PRKN: variants seen among roughly 807,000 people sequenced by gnomAD.
PRKN encodes E3 ubiquitin-protein ligase parkin.
In PRKN, 56 loss-of-function variants were observed where a neutral mutation model predicts 59.5. The observed-to-expected ratio is 0.94, with a 90% CI of 0.76 to 1.18. PRKN has a LOEUF of 1.18. Ranked by LOEUF, PRKN falls within the 50% of genes most tolerant of loss-of-function variation. The pLI is 0.00. For synonymous variants in PRKN, 250 were observed against 222.1 expected (o/e 1.13, Z -1.12); for missense variants, 657 against 596.4 (o/e 1.10, Z -1.06).
intron 7 of PRKN, among the ~76,000 whole-genome samples, chr6:161,763,387 A>G (rs1158634194): frequency 6.6e-6 from 1 of 150,878 alleles, no homozygotes; most frequent in African/African-American, 2.4e-5. Context: ...GAAACAGGAG[A>G]CACCCCCATC....
intron 6 of PRKN, among the ~76,000 whole-genome samples, chr6:161,815,724 C>T (rs4997862): frequency 0.24 from 36,551 of 152,036 alleles, 4,703 homozygotes; most frequent in Non-Finnish European, 0.3. Flanking sequence ...AGGGAGACCC[C>T]AGCGGGAGCT....
Position 161,480,402 on chromosome 6 carries a change from C to T in PRKN, c.1083+68452G>A, listed in dbSNP as rs1273713081. On this transcript the variant is annotated intron_variant, in intron 9 of 11. Coordinates refer to ENST00000366898, the MANE Select transcript of PRKN (RefSeq NM_004562.3). The surrounding 1 kb of genome is among the most constrained non-coding windows in gnomAD (Gnocchi z 4.1). ...AGCTGGCCCTATTTTCCTATTCCAC[C>T]ATCACAACAATCCTGGAAAAGAATC... 6.6e-6 allele frequency among the ~76,000 whole-genome samples: 1 copy of T among 152,158 alleles called. No individual in the cohort carries two copies. The highest frequency in any genetic ancestry group is 1.5e-5 in the Non-Finnish European group (1 of 68,018).
At chr6:162,363,131 C>CAAAAAA (rs34722234) in intron 2 of PRKN, among the ~76,000 whole-genome samples, 4 of 98,386 alleles carry the variant, frequency 4.1e-5, no homozygotes, top group African/African-American at 7.4e-5. Context: ...CCTTCTCAAA[C>CAAAAAA]AAAAAAAAAA....
At chr6:161,364,385 G>C (rs1785106332) in intron 10 of PRKN, among the ~76,000 whole-genome samples, 1 of 147,096 alleles carries the variant, frequency 6.8e-6, no homozygotes, top group South Asian at 2.1e-4. Context: ...TTTGAACCGG[G>C]AGGCGGAGGT....
chr6:162,496,625 C>T (rs903944211), intron 1 of PRKN, among the ~76,000 whole-genome samples: 21 of 152,152 alleles, frequency 1.4e-4, no homozygotes, highest in African/African-American at 3.9e-4. Context: ...TATACACATG[C>T]GTGCAAATTC....
intron 1 of PRKN, among the ~76,000 whole-genome samples, chr6:162,577,937 A>G (rs544608431): frequency 8.5e-5 from 13 of 152,334 alleles, no homozygotes; most frequent in Admixed American, 8.5e-4. Flanking sequence ...TCAAAAACCT[A>G]TAATTAATTT....
At chr6:161,969,457 C>A (rs1225523400) in intron 6 of PRKN, among the ~76,000 whole-genome samples, 2 of 151,968 alleles carry the variant, frequency 1.3e-5, no homozygotes, top group East Asian at 3.9e-4. Context: ...CTCTCCTGAT[C>A]TGGGTAGTAC....
intron 1 of PRKN, among the ~76,000 whole-genome samples, chr6:162,493,030 C>A (rs1562328299): frequency 6.6e-6 from 1 of 151,870 alleles, no homozygotes; most frequent in Non-Finnish European, 1.5e-5. Context: ...CCCTCCCACA[C>A]CCAAGGGAGG....
chr6:162,437,286 T>C (rs544591828), intron 2 of PRKN, among the ~76,000 whole-genome samples: 2 of 148,414 alleles, frequency 1.3e-5, no homozygotes, highest in East Asian at 4.0e-4. Context: ...GAGAGACAAA[T>C]AGCAAGCTTA....
At chr6:162,225,197 G>T (rs1778115538) in intron 3 of PRKN, among the ~76,000 whole-genome samples, 2 of 152,200 alleles carry the variant, frequency 1.3e-5, no homozygotes, top group Admixed American at 1.3e-4. Context: ...ATAACAACCT[G>T]CTCTCATAGT....
intron 2 of PRKN, among the ~76,000 whole-genome samples, chr6:162,396,008 C>T (rs965216479): frequency 1.3e-5 from 2 of 152,148 alleles, no homozygotes; most frequent in East Asian, 3.9e-4. Context: ...ATGTTGGAGA[C>T]AGGAATATGT....
At chr6:161,572,145 G>A (rs892020390) in intron 7 of PRKN, among the ~76,000 whole-genome samples, 2 of 152,124 alleles carry the variant, frequency 1.3e-5, no homozygotes, top group African/African-American at 4.8e-5. Context: ...TAGACAGAAA[G>A]GTCCTGTTTC....
rs528892194 is a variant in PRKN, at chr6:162,360,054, G to A, written c.171+83256C>T. Among the ~76,000 whole-genome samples, 7 of 151,596 alleles carry A rather than the reference G, an allele frequency of 4.6e-5. No homozygotes were observed. In the South Asian group the frequency reaches 8.4e-4, roughly 18 times the overall value. On this transcript the variant is annotated intron_variant, in intron 2 of 11. Coordinates refer to ENST00000366898, the MANE Select transcript of PRKN (RefSeq NM_004562.3). ...TTTATGTTCTCACTTACTAAAATAC[G>A]GCAAAATATAATTTATATATACATA...
At chr6:162,720,197 A>G (rs141966134) in intron 1 of PRKN, among the ~76,000 whole-genome samples, 27 of 152,318 alleles carry the variant, frequency 1.8e-4, no homozygotes, top group African/African-American at 5.1e-4. Flanking sequence ...AGTCTCAATC[A>G]GGACACCAAT....
intron 7 of PRKN, among the ~76,000 whole-genome samples, chr6:161,782,285 C>T (rs148944280): frequency 0.011 from 1,706 of 152,064 alleles, 20 homozygotes; most frequent in Middle Eastern, 0.051. Flanking sequence ...ATAATAGGTA[C>T]TATAGAGTGA....
At chr6:162,449,538 G>GT (rs1790489575) in intron 1 of PRKN, among the ~76,000 whole-genome samples, 2 of 151,680 alleles carry the variant, frequency 1.3e-5, no homozygotes, top group South Asian at 2.1e-4. Context: ...TTTATAGCTC[G>GT]TTTTTTATTT....
At chr6:162,587,461 G>A (rs35395472) in intron 1 of PRKN, among the ~76,000 whole-genome samples, 15,553 of 152,090 alleles carry the variant, frequency 0.1, 937 homozygotes, top group Middle Eastern at 0.19. Context: ...TAAAACCTGG[G>A]GTTACAGTTG....
At chr6:162,207,464 C>T (rs567798253) in intron 3 of PRKN, among the ~76,000 whole-genome samples, 4 of 152,268 alleles carry the variant, frequency 2.6e-5, no homozygotes, top group African/African-American at 9.6e-5. Flanking sequence ...AGGTCAAACA[C>T]GGAGGCTTCA....
intron 2 of PRKN, among the ~76,000 whole-genome samples, chr6:162,288,969 T>G (rs1183743815): frequency 2.6e-5 from 4 of 152,212 alleles, no homozygotes; most frequent in Non-Finnish European, 5.9e-5. Flanking sequence ...ACAAAGAGAT[T>G]TGTTGTGGTC....
Sources: allele counts gnomAD v4.1 joint callset (sites outside exome capture counted in the v4.1 genomes callset), GRCh38; gene constraint gnomAD v4.1.1; non-coding constraint Gnocchi (gnomAD v3.1); transcripts MANE v1.5; gene names NCBI Gene and HGNC (gene_info 2026-07-23, HGNC 2026-07-21).